The following JAKMIP3 variants were observed in gnomAD, a reference collection of about 807,000 sequenced individuals.
JAKMIP3 encodes the protein janus kinase and microtubule-interacting protein 3.
In JAKMIP3, 58 loss-of-function variants were observed where a neutral mutation model predicts 118.5. The observed-to-expected ratio is 0.49, with a 90% confidence interval of 0.40 to 0.61. The LOEUF (loss-of-function observed/expected upper bound fraction) is 0.61, where lower values mean the gene tolerates loss of function less well. JAKMIP3 is among the 20% of genes least tolerant of loss of function. The pLI is 0.00. For synonymous variants in JAKMIP3, 486 were observed against 451.2 expected (o/e 1.08, Z -0.98); for missense variants, 950 against 1,109.0 (o/e 0.86, Z 2.04).
Position 132,137,245 on chromosome 10 carries a change from C to T in JAKMIP3, c.1249-9C>T, listed in dbSNP as rs1269508940. On this transcript the variant is annotated splice_polypyrimidine_tract_variant and intron_variant, in intron 7 of 23. Transcript: ENST00000684848. Reference sequence around the variant, plus strand: ...AGCAATTCCGTAACATGCTGTCTTCCTTTCCTAGACCCTTGAGACCGCCGG... The same window carrying T: ...AGCAATTCCGTAACATGCTGTCTTCTTTTCCTAGACCCTTGAGACCGCCGG... 2 of 1,613,936 alleles carry T rather than the reference C, an allele frequency of 1.2e-6. No individual in the cohort carries two copies. Among genetic ancestry groups the T allele is most frequent in the East Asian group, 2.2e-5 (1 of 44,882 alleles).
intron 21 of JAKMIP3, among the ~76,000 whole-genome samples, chr10:132,165,072 C>T (rs1012082270): frequency 6.6e-6 from 1 of 152,268 alleles, no homozygotes; most frequent in Admixed American, 6.5e-5. Context: ...TTCCTCCCAT[C>T]ACTGAAGCCT....
intron 15 of JAKMIP3, 36 bp from the exon 16 acceptor site, chr10:132,149,946 G>A (rs200783763): frequency 1.9e-4 from 113 of 585,660 alleles, no homozygotes; most frequent in African/African-American, 1.5e-3. Context: ...TGCCCACCCC[G>A]TGGCCACTCA....
intron 16 of JAKMIP3, among the ~76,000 whole-genome samples, chr10:132,151,567 A>G (rs956946215): frequency 6.6e-6 from 1 of 152,178 alleles, no homozygotes. Context: ...AGTCCTGGGT[A>G]TCAGCCCCAT....
intron 23 of JAKMIP3, among the ~76,000 whole-genome samples, chr10:132,180,768 T>TGCGCGTGTGC (rs1446060656): frequency 3.1e-5 from 1 of 32,494 alleles, no homozygotes; most frequent in East Asian, 2.3e-3. Context: ...TGCGTGTGTG[T>TGCGCGTGTGC]GCGTGTGTGT....
In JAKMIP3 at chr10:132,163,515, TGTGGCCCCACCCTCCA is replaced by T. The variant is rs1191952318; in HGVS notation, c.2424+110_2424+125del. ...GCCACACCTCCAACCACTACCCCTC[TGTGGCCCCACCCTCCA>T]GTGGCCACACCCCTCATAACACACA... On this transcript the variant is annotated intron_variant, in intron 20 of 23. Transcript: ENST00000684848. 275 of 1,044,158 alleles carry T rather than the reference TGTGGCCCCACCCTCCA, an allele frequency of 2.6e-4. 3 individuals carry two copies. The South Asian group carries it at 4.2e-3, about 16-fold the overall frequency. 64.7% of individuals were successfully genotyped at this position (1,044,158 alleles called of 1,614,324 possible).
intron 3 of JAKMIP3, among the ~76,000 whole-genome samples, chr10:132,131,791 T>TC (rs1443279409): frequency 6.6e-6 from 1 of 152,000 alleles, no homozygotes; most frequent in East Asian, 1.9e-4. Flanking sequence ...GGAGGGCTCT[T>TC]CCCCCGGGTG....
At chr10:132,139,214 G>A (rs1038260030) in intron 9 of JAKMIP3, among the ~76,000 whole-genome samples, 3 of 136,008 alleles carry the variant, frequency 2.2e-5, no homozygotes, top group Non-Finnish European at 4.7e-5. Context: ...GTGTGTGTAT[G>A]TGTGTACATG....
intron 23 of JAKMIP3, among the ~76,000 whole-genome samples, chr10:132,180,202 G>A (rs1262246907): frequency 6.6e-6 from 1 of 152,186 alleles, no homozygotes; most frequent in East Asian, 1.9e-4. Context: ...GTTGCAAGCA[G>A]GCACTTCTGC....
At chr10:132,060,979 C>T (rs1050436579), upstream of JAKMIP3, among the ~76,000 whole-genome samples, 7 of 152,028 alleles carry the variant, frequency 4.6e-5, no homozygotes, top group Admixed American at 4.6e-4. Context: ...GGGCCAAGAT[C>T]GCACCACTGC....
chr10:132,180,758 T>TGTGTGTGCGTGTGTGC lies in JAKMIP3; in HGVS notation c.*1104-1598_*1104-1597insTGTGTGCGTGTGTGCG, dbSNP rs1334620400. ...GTGTGCGTGCGTGCGCGCGCGTGTG[T>TGTGTGTGCGTGTGTGC]GCGTGTGTGTGCGTGTGTGTGTGTG... On this transcript the variant is annotated intron_variant, in intron 23 of 23. Coordinates refer to ENST00000684848, the MANE Select transcript of JAKMIP3 (RefSeq NM_001323087.2). Among the ~76,000 whole-genome samples the TGTGTGTGCGTGTGTGC allele has an allele frequency of 1.1e-4, 2 of 18,060 alleles. 1 individual carries two copies. The highest frequency in any genetic ancestry group is 2.1e-4 in the Non-Finnish European group (2 of 9,590). 11.8% of individuals were successfully genotyped at this position (18,060 alleles called of 152,430 possible).
intron 19 of JAKMIP3, among the ~76,000 whole-genome samples, chr10:132,162,172 T>C (rs979974946): frequency 3.3e-5 from 5 of 152,186 alleles, no homozygotes; most frequent in African/African-American, 1.2e-4. Flanking sequence ...TGGTTCCTCC[T>C]GGGGCAGTGG....
chr10:132,169,682 A>C (rs549680076), intron 23 of JAKMIP3, among the ~76,000 whole-genome samples: 13 of 152,286 alleles, frequency 8.5e-5, no homozygotes, highest in African/African-American at 3.1e-4. Context: ...CCTCCGACCC[A>C]CACCGTGTCT....
intron 19 of JAKMIP3, among the ~76,000 whole-genome samples, chr10:132,157,772 T>C (rs1212256080): frequency 6.6e-6 from 1 of 152,044 alleles, no homozygotes; most frequent in Non-Finnish European, 1.5e-5. Context: ...CCCTTTGCCA[T>C]CCATTGCAAA....
intron 1 of JAKMIP3, among the ~76,000 whole-genome samples, chr10:132,091,079 T>G (rs1027364281): frequency 6.6e-6 from 1 of 152,228 alleles, no homozygotes; most frequent in Admixed American, 6.5e-5. Flanking sequence ...TTCCATGTAG[T>G]TGAGTGGTTT....
intron 19 of JAKMIP3, among the ~76,000 whole-genome samples, chr10:132,157,950 G>GA (rs1040681334): frequency 1.0e-4 from 15 of 146,648 alleles, no homozygotes; most frequent in South Asian, 2.2e-4. Flanking sequence ...ACTTCGTACA[G>GA]AAAAAAAAAA....
intron 1 of JAKMIP3, among the ~76,000 whole-genome samples, chr10:132,043,040 G>A (rs2037808832): frequency 6.6e-6 from 1 of 151,968 alleles, no homozygotes; most frequent in Admixed American, 6.6e-5. Flanking sequence ...GTTGCAGTGA[G>A]CTGAGATCAC....
chr10:132,082,464 T>A (rs12259156), intron 1 of JAKMIP3, among the ~76,000 whole-genome samples: 12,878 of 152,040 alleles, frequency 0.085, 1,319 homozygotes, highest in African/African-American at 0.24. Context: ...CACCTACGAG[T>A]GAGAGCATAT....
intron 2 of JAKMIP3, among the ~76,000 whole-genome samples, chr10:132,114,199 C>T (rs2047284160): frequency 6.6e-6 from 1 of 152,368 alleles, no homozygotes; most frequent in South Asian, 2.1e-4. Context: ...GTTGTTGCTT[C>T]TGTGCAGCAT....
intron 3 of JAKMIP3, among the ~76,000 whole-genome samples, chr10:132,130,295 G>A (rs1302438282): frequency 2.0e-5 from 3 of 152,190 alleles, no homozygotes; most frequent in African/African-American, 7.2e-5. Flanking sequence ...CTGGGTGATG[G>A]AGGTCCTTCC....
Sources: allele counts gnomAD v4.1 joint callset (sites outside exome capture counted in the v4.1 genomes callset), GRCh38; gene constraint gnomAD v4.1.1; transcripts MANE v1.5; gene names NCBI Gene and HGNC (gene_info 2026-07-23, HGNC 2026-07-21).